Variants in CEP72 observed in about 807,000 individuals in gnomAD.
The protein encoded by CEP72 is centrosomal protein of 72 kDa.
Under a neutral mutation model 65.7 loss-of-function variants are expected in CEP72, and 78 were observed. That is an observed-to-expected ratio of 1.19 (90% CI 0.99 to 1.43). The LOEUF is 1.43. Ranked by LOEUF, CEP72 falls within the 40% of genes most tolerant of loss-of-function variation. CEP72 has a pLI of 0.00. For synonymous variants in CEP72, 358 were observed against 351.7 expected (o/e 1.02, Z -0.20); for missense variants, 914 against 832.9 (o/e 1.10, Z -1.20).
At position 645,410 on chromosome 5, in the gene CEP72, G is replaced by C. The variant is rs1738348839; in HGVS notation, c.1666+985G>C. The stretch of plus-strand genomic sequence containing the variant: ...TAAGATACTGTTATATTTACAACGG[G>C]TCCTTGAATAACCGTGTCCATTCAA... On this transcript the variant is annotated intron_variant, in intron 10 of 11. Coordinates refer to ENST00000264935, the MANE Select transcript of CEP72 (RefSeq NM_018140.4). The surrounding 1 kb of genome is among the most constrained non-coding windows in gnomAD (Gnocchi z 4.0). Among the ~76,000 whole-genome samples the C allele has an allele frequency of 6.6e-6, 1 of 151,268 alleles. No individual in the cohort carries two copies. Among genetic ancestry groups the C allele is most frequent in the Non-Finnish European group, 1.5e-5 (1 of 67,918 alleles).
Position 640,432 on chromosome 5 carries a change from C to T in CEP72, c.1367C>T (p.Ser456Phe). 6.2e-7 allele frequency: 1 copy of T among 1,614,074 alleles called. No homozygotes were observed. Among genetic ancestry groups the T allele is most frequent in the Non-Finnish European group, 8.5e-7 (1 of 1,179,932 alleles). The change falls in exon 9 of 12, where the codon TCT becomes TTT. Residue 456 changes from serine (S) to phenylalanine (F), a missense_variant. Transcript: ENST00000264935. ...GCTCAGGCAAGACACATCTTGTCAT[C>T]TGTTGAAGAATTCACAGCAGCTCAG... ...FLAQARHILS[S>F]VEEFTAAQDS...
At chr5:643,260 G>T in intron 9 of CEP72, 1 of 985,440 alleles carries the variant, frequency 1.0e-6, no homozygotes, top group Non-Finnish European at 1.2e-6. Flanking sequence ...AGAGCTCACC[G>T]CATCCTTGGG....
chr5:662,534 C>G (rs72707008), intron 1 of CEP72: 1 of 152,486 alleles, frequency 6.6e-6, no homozygotes, highest in Non-Finnish European at 1.5e-5. Context: ...CCGTCCTGAC[C>G]CGGCGCCAGG....
chr5:664,086 C>T (rs1739796764), intron 2 of CEP72: 1 of 149,576 alleles, frequency 6.7e-6, no homozygotes, highest in Non-Finnish European at 1.5e-5. Context: ...GTCCTGCTCT[C>T]CGGCGGGGGG....
intron 9 of CEP72, chr5:643,532 G>T: frequency 6.1e-6 from 6 of 985,444 alleles, no homozygotes; most frequent in Non-Finnish European, 7.2e-6. Context: ...GGAGAAGGAT[G>T]AAGCGGCGAT....
intron 9 of CEP72, chr5:642,201 T>C: frequency 1.3e-6 from 1 of 796,336 alleles, no homozygotes; most frequent in South Asian, 5.4e-5. Flanking sequence ...TGGTCCCCCA[T>C]CTAGAAGCCT....
At position 619,009 on chromosome 5, in the gene CEP72, TATTCC is replaced by T; in HGVS notation, c.103_107del (p.Ile35TrpfsTer32). On this transcript the variant is annotated frameshift_variant, in exon 2 of 12. Coordinates refer to ENST00000264935, the MANE Select transcript of CEP72 (RefSeq NM_018140.4). LOFTEE classifies it high-confidence loss of function. ...TCTTAGCTGAGCTTCAGTCATTGTC[TATTCC>T]TGGAACTTACCAAGAGAAGATCACC... 1.2e-6 allele frequency: 2 copies of T among 1,611,034 alleles called. No homozygotes were observed. Among genetic ancestry groups the T allele is most frequent in the Non-Finnish European group, 1.7e-6 (2 of 1,177,148 alleles).
chr5:646,162 C>T (rs1024074531), intron 10 of CEP72, among the ~76,000 whole-genome samples: 2 of 152,368 alleles, frequency 1.3e-5, no homozygotes, highest in Non-Finnish European at 2.9e-5. Context: ...TTTCCAGAAC[C>T]ATCAGTGCGA....
chr5:643,921 G>A (rs1738235331), intron 9 of CEP72, among the ~76,000 whole-genome samples: 1 of 152,246 alleles, frequency 6.6e-6, no homozygotes, highest in African/African-American at 2.4e-5. Flanking sequence ...AAGGCCTGGG[G>A]CTCGCAGTGT....
At chr5:632,735 G>A (rs1485238813) in intron 4 of CEP72, among the ~76,000 whole-genome samples, 1 of 28,674 alleles carries the variant, frequency 3.5e-5, no homozygotes. Context: ...CCGGGATTTG[G>A]CCCAGTCCTG....
At chr5:674,234 A>G in the CEP72 span, among the ~76,000 whole-genome samples, 7 of 152,030 alleles carry the variant, frequency 4.6e-5, no homozygotes, top group East Asian at 1.4e-3. Flanking sequence ...GCACCCAGGG[A>G]CTCGTCCCAG....
intron 9 of CEP72, 34 bp from the exon 10 acceptor site, chr5:644,265 C>T (rs368634663): frequency 5.0e-6 from 8 of 1,605,086 alleles, no homozygotes; most frequent in Non-Finnish European, 6.8e-6. Flanking sequence ...CTGAATTTGA[C>T]TTGTGCACTT....
chr5:672,835 G>C, the CEP72 span, among the ~76,000 whole-genome samples: 1 of 152,250 alleles, frequency 6.6e-6, no homozygotes. Flanking sequence ...GTTAACAGTA[G>C]GCTTCAACAA....
rs1293926571 is a variant in CEP72, at chr5:633,816, G to A, written c.560G>A (p.Ser187Asn). The A allele has an allele frequency of 5.6e-6, 9 of 1,614,114 alleles. No individual in the cohort carries two copies. The highest frequency in any genetic ancestry group is 7.6e-6 in the Non-Finnish European group (9 of 1,180,052). Reference protein sequence around the residue: ...AKCTEALAKQSLVMDADDEAV... With the variant: ...AKCTEALAKQNLVMDADDEAV... Reference sequence around the variant, plus strand: ...TGCACCGAGGCCTTGGCCAAGCAGAGCCTGGTCATGGATGCGGATGACGAG... The same window carrying A: ...TGCACCGAGGCCTTGGCCAAGCAGAACCTGGTCATGGATGCGGATGACGAG... Residue 187 changes from serine to asparagine, a missense_variant, in exon 5 of 12, where the codon AGC (serine) becomes AAC (asparagine). By Grantham distance (46) the Ser-to-Asn change is conservative. Transcript: ENST00000264935.
At chr5:639,565 A>G (rs181068275) in intron 8 of CEP72, among the ~76,000 whole-genome samples, 9 of 152,340 alleles carry the variant, frequency 5.9e-5, no homozygotes, top group African/African-American at 2.2e-4. Context: ...GAAGCTGCTC[A>G]GCATCTTCTC....
intron 4 of CEP72, among the ~76,000 whole-genome samples, chr5:626,049 AGG>A (rs11325513): frequency 0.025 from 3,755 of 147,734 alleles, 150 homozygotes; most frequent in African/African-American, 0.087. Context: ...GGTGGGGGGC[AGG>A]GGGGGGCGGC....
At chr5:669,651 A>G (rs1294404023), downstream of CEP72, among the ~76,000 whole-genome samples, 1 of 151,960 alleles carries the variant, frequency 6.6e-6, no homozygotes, top group Non-Finnish European at 1.5e-5. Context: ...AGCATGAGTC[A>G]CTCGGCGGGA....
chr5:643,523 G>C (rs1738201132), intron 9 of CEP72: 3 of 985,430 alleles, frequency 3.0e-6, no homozygotes, highest in Non-Finnish European at 2.4e-6. Flanking sequence ...TCACTGAGCG[G>C]AGAAGGATGA....
chr5:621,658 GCTGT>G (rs1451266133), intron 3 of CEP72, among the ~76,000 whole-genome samples: 6 of 152,264 alleles, frequency 3.9e-5, no homozygotes, highest in Non-Finnish European at 5.9e-5. Flanking sequence ...GACCGGGAAG[GCTGT>G]CTGGGGCCAT....
Sources: gnomAD v4.1 joint callset for allele counts (sites outside exome capture counted in the v4.1 genomes callset) on GRCh38, gnomAD v4.1.1 for gene constraint, Gnocchi (gnomAD v3.1) non-coding constraint, MANE v1.5 for transcripts, NCBI Gene and HGNC (gene_info 2026-07-23, HGNC 2026-07-21) for gene names.